Variants in ICOS observed in about 807,000 individuals in gnomAD.
ICOS encodes inducible T cell costimulator.
A neutral mutation model predicts 24.6 loss-of-function variants in ICOS; 15 were observed. The ratio of observed to expected loss-of-function variants is 0.61; its 90% CI spans 0.41 to 0.94. The LOEUF is 0.94. Ranked by LOEUF, ICOS falls within the 40% of genes least tolerant of loss-of-function variation. The pLI is 0.00. For synonymous variants in ICOS, 89 were observed against 77.5 expected (o/e 1.15, Z -0.78); for missense variants, 200 against 233.0 (o/e 0.86, Z 0.92).
At chr2:203,939,283 C>T (rs531772216) in intron 1 of ICOS, among the ~76,000 whole-genome samples, 1 of 152,066 alleles carries the variant, frequency 6.6e-6, no homozygotes, top group African/African-American at 2.4e-5. Context: ...TTCTGATCAC[C>T]TTTGTTATTT....
chr2:203,959,533 G>A (rs1369056593), intron 4 of ICOS, 53 bp from the exon 5 acceptor site: 16 of 1,540,220 alleles, frequency 1.0e-5, no homozygotes, highest in Non-Finnish European at 1.4e-5. Context: ...CTTCTTGTAG[G>A]GAACTGGCAC....
At chr2:203,952,033 T>G (rs1037873735) in intron 1 of ICOS, among the ~76,000 whole-genome samples, 1 of 152,128 alleles carries the variant, frequency 6.6e-6, no homozygotes, top group Admixed American at 6.5e-5. Context: ...CTTGTTATTA[T>G]AAAACAAAAC....
At chr2:203,958,875 G>T (rs557421534) in intron 4 of ICOS, among the ~76,000 whole-genome samples, 15 of 152,226 alleles carry the variant, frequency 9.9e-5, no homozygotes, top group African/African-American at 3.6e-4. Context: ...TGTTCTGGCT[G>T]TTTGGATCCC....
intron 1 of ICOS, among the ~76,000 whole-genome samples, chr2:203,945,478 G>A (rs1689852168): frequency 6.6e-6 from 1 of 152,162 alleles, no homozygotes; most frequent in Non-Finnish European, 1.5e-5. Flanking sequence ...AATACATTCT[G>A]AGAAATGTGT....
chr2:203,956,618 C>T, intron 2 of ICOS, 41 bp from the exon 3 acceptor site: 1 of 1,347,282 alleles, frequency 7.4e-7, no homozygotes, highest in Non-Finnish European at 1.1e-6. Flanking sequence ...ACTTGTGGTT[C>T]AGCAGAATTT....
intron 1 of ICOS, among the ~76,000 whole-genome samples, chr2:203,954,828 A>C (rs13028062): frequency 0.17 from 25,399 of 149,610 alleles, 2,628 homozygotes; most frequent in Non-Finnish European, 0.23. Context: ...CATAGTCTCT[A>C]TATATTGTAA....
At chr2:203,948,669 A>G (rs6761201) in intron 1 of ICOS, among the ~76,000 whole-genome samples, 5,626 of 152,318 alleles carry the variant, frequency 0.037, 229 homozygotes, top group African/African-American at 0.099. Flanking sequence ...GATAAACCAG[A>G]TAATTTCAGA....
chr2:203,936,763 A>G lies in ICOS; in HGVS notation c.-52A>G. 1 of 1,434,386 alleles carries G rather than the reference A, an allele frequency of 7.0e-7. No homozygotes were observed. Among genetic ancestry groups the G allele is most frequent in the South Asian group, 1.1e-5 (1 of 87,456 alleles). 88.9% of individuals were successfully genotyped at this position (1,434,386 alleles called of 1,614,324 possible). A position where few individuals can be genotyped will look rare whatever the true frequency, so the allele number is the denominator to read the frequency against. ...AGAAAACAACCGAGAGCCTGAATTC[A>G]CTGTCAGCTTTGAACACTGAACGCG... On this transcript the variant is annotated 5_prime_UTR_variant, in exon 1 of 5. Transcript: ENST00000316386.
chr2:203,958,608 C>T (rs1291774924), intron 4 of ICOS, among the ~76,000 whole-genome samples: 2 of 152,042 alleles, frequency 1.3e-5, no homozygotes, highest in African/African-American at 2.4e-5. Flanking sequence ...TTTTTCCACC[C>T]CTCAGTGGCT....
At chr2:203,951,231 T>A (rs746441148) in intron 1 of ICOS, among the ~76,000 whole-genome samples, 1 of 152,184 alleles carries the variant, frequency 6.6e-6, no homozygotes. Flanking sequence ...TTTAATTTAT[T>A]CTGACTTTCT....
Position 203,960,734 on chromosome 2 carries a change from A to C in ICOS, c.*1135A>C, listed in dbSNP as rs1203219294. On this transcript the variant is annotated 3_prime_UTR_variant, in exon 5 of 5. Coordinates refer to ENST00000316386, the MANE Select transcript of ICOS (RefSeq NM_012092.4). The stretch of plus-strand genomic sequence containing the variant: ...TTGACAGGTCAAAATGGTCCCCATC[A>C]GCCTGGAGCAGCCCTCCAGACCTGG... 2 of 152,194 alleles carry C rather than the reference A, an allele frequency of 1.3e-5. No individual in the cohort carries two copies. The highest frequency in any genetic ancestry group is 2.9e-5 in the Non-Finnish European group (2 of 68,032). 9.4% of individuals were successfully genotyped at this position (152,194 alleles called of 1,614,324 possible).
intron 1 of ICOS, among the ~76,000 whole-genome samples, chr2:203,940,363 T>C (rs1689742983): frequency 1.3e-5 from 2 of 152,238 alleles, no homozygotes; most frequent in African/African-American, 4.8e-5. Context: ...TCTTAACACT[T>C]ACATCACATA....
At chr2:203,948,600 A>G (rs1689913298) in intron 1 of ICOS, among the ~76,000 whole-genome samples, 1 of 152,244 alleles carries the variant, frequency 6.6e-6, no homozygotes, top group Non-Finnish European at 1.5e-5. Flanking sequence ...AAGACCAACA[A>G]GGTCCCTGGT....
intron 1 of ICOS, among the ~76,000 whole-genome samples, chr2:203,948,973 A>T (rs547550503): frequency 1.3e-5 from 2 of 152,368 alleles, no homozygotes; most frequent in African/African-American, 4.8e-5. Context: ...ATGGGAAACC[A>T]GGGTAAGAAC....
Sources: allele counts gnomAD v4.1 joint callset (sites outside exome capture counted in the v4.1 genomes callset), GRCh38; gene constraint gnomAD v4.1.1; transcripts MANE v1.5; gene names NCBI Gene and HGNC (gene_info 2026-07-23, HGNC 2026-07-21).